HYDIN: variants seen among roughly 807,000 people sequenced by gnomAD.
HYDIN encodes the protein HYDIN axonemal central pair apparatus protein.
HYDIN carries 132 observed loss-of-function variants against 403.9 expected under a neutral mutation model. The ratio of observed to expected loss-of-function variants is 0.33; its 90% CI spans 0.28 to 0.38. The LOEUF (loss-of-function observed/expected upper bound fraction) is 0.38. Ranked by LOEUF, HYDIN falls within the 10% of genes least tolerant of loss-of-function variation. The probability of loss-of-function intolerance (pLI) is 1.00; values close to 1 mark genes in which losing one functional copy is unlikely to be tolerated. For synonymous variants in HYDIN, 1,202 were observed against 1,891.7 expected, an observed-to-expected ratio of 0.64 and a Z score of 9.46; for missense variants, 2,827 against 5,009.5, an observed-to-expected ratio of 0.56 and a Z score of 13.15.
At chr16:71,197,077 C>G (rs1209429707) in intron 1 of HYDIN, among the ~76,000 whole-genome samples, 2 of 152,154 alleles carry the variant, frequency 1.3e-5, no homozygotes, top group Non-Finnish European at 2.9e-5. Context: ...CAAGAACCCT[C>G]TCTTGGGGTC....
At chr16:70,858,218 G>A (rs2039154437) in intron 71 of HYDIN, among the ~76,000 whole-genome samples, 1 of 151,768 alleles carries the variant, frequency 6.6e-6, no homozygotes, top group East Asian at 2.0e-4. Flanking sequence ...CTTGTCAATA[G>A]CTGGGCACAC....
intron 5 of HYDIN, among the ~76,000 whole-genome samples, chr16:71,171,278 A>G (rs1017811538): frequency 6.6e-6 from 1 of 152,220 alleles, no homozygotes; most frequent in Non-Finnish European, 1.5e-5. Context: ...TCACCTCAAC[A>G]GGAGAGCCTT....
chr16:71,201,542 G>A (rs775653190), intron 1 of HYDIN, among the ~76,000 whole-genome samples: 50 of 152,092 alleles, frequency 3.3e-4, no homozygotes, highest in Admixed American at 3.3e-3. Flanking sequence ...CACAGCACAT[G>A]ACCCAAGCCA....
In HYDIN at chr16:70,969,018, G is replaced by A. The variant is rs1456296534; in HGVS notation, c.5619+1502C>T. Among the ~76,000 whole-genome samples the A allele has an allele frequency of 2.6e-5, 4 of 152,020 alleles. No individual in the cohort carries two copies. The East Asian group carries it at 5.8e-4, about 22-fold the overall frequency. On this transcript the variant is annotated intron_variant, in intron 36 of 85. Transcript: ENST00000393567. The stretch of plus-strand genomic sequence containing the variant: ...AGTTACCAAAATAAAAACTCAATAT[G>A]TGGGCAGAATGAAATGGATGGAGAA...
At chr16:70,826,910 A>G (rs2036636874) in intron 83 of HYDIN, among the ~76,000 whole-genome samples, 1 of 103,028 alleles carries the variant, frequency 9.7e-6, no homozygotes, top group Non-Finnish European at 1.8e-5. Flanking sequence ...ACAGATCCAC[A>G]CATGCTCCTT....
intron 8 of HYDIN, among the ~76,000 whole-genome samples, chr16:71,130,472 T>A (rs1349665740): frequency 1.1e-5 from 1 of 91,312 alleles, no homozygotes; most frequent in East Asian, 4.4e-4. Context: ...ATATACCGGT[T>A]TTTTTTTTTT....
rs376580387 is a variant in HYDIN at position 71,079,302 on chromosome 16, T to C, written c.1738+583A>G. Among the ~76,000 whole-genome samples the C allele has an allele frequency of 6.8e-3, 1,031 of 151,546 alleles. 7 individuals carry two copies. The highest frequency in any genetic ancestry group is 0.024 in the African/African-American group (987 of 41,280). ...ATTTTCATTCTTTCTCCATCTAGCA[T>C]TTCTGTTAGATACAAGTTAGAACTT... On this transcript the variant is annotated intron_variant, in intron 13 of 85. Transcript: ENST00000393567.
chr16:71,197,649 C>T (rs1008899202), intron 1 of HYDIN, among the ~76,000 whole-genome samples: 4 of 152,178 alleles, frequency 2.6e-5, no homozygotes, highest in African/African-American at 4.8e-5. Context: ...ACTGCCAACA[C>T]CCCAGAAGAC....
chr16:71,125,473 A>T (rs904809862), intron 9 of HYDIN, among the ~76,000 whole-genome samples: 4 of 152,352 alleles, frequency 2.6e-5, no homozygotes, highest in African/African-American at 9.6e-5. Context: ...TCAGAGTCTG[A>T]TCCTAAATTG....
chr16:71,170,076 T>C (rs1302065661), intron 5 of HYDIN, among the ~76,000 whole-genome samples: 1 of 152,218 alleles, frequency 6.6e-6, no homozygotes, highest in African/African-American at 2.4e-5. Context: ...TATTCTCTAC[T>C]TGGTAGCCAG....
Position 70,837,603 on chromosome 16 carries a change from A to G in HYDIN, c.13242+87T>C, listed in dbSNP as rs2037518397. On this transcript the variant is annotated intron_variant, in intron 77 of 85. Transcript: ENST00000393567. ...GGGGCAGAGAAGCAGAGGGGCTGGAAGGGTGAAGGGGTTCTGGGGGGCAAA... is the reference window on the plus strand; with the variant it reads ...GGGGCAGAGAAGCAGAGGGGCTGGAGGGGTGAAGGGGTTCTGGGGGGCAAA... 7 of 1,278,218 alleles carry G rather than the reference A, an allele frequency of 5.5e-6. No homozygotes were observed. In the African/African-American group the frequency reaches 8.8e-5, roughly 16 times the overall value. The allele number at this position is 1,278,218 out of a possible 1,614,324, so 79.2% of individuals were successfully genotyped here. A position where few individuals can be genotyped will look rare whatever the true frequency, so the allele number is the denominator to read the frequency against.
At chr16:70,990,967 G>A (rs2079332402) in intron 25 of HYDIN, among the ~76,000 whole-genome samples, 1 of 152,194 alleles carries the variant, frequency 6.6e-6, no homozygotes, top group South Asian at 2.1e-4. Flanking sequence ...GTTGTAACAA[G>A]CATCTTTGTA....
At chr16:71,098,013 T>C (rs8052351) in intron 10 of HYDIN, among the ~76,000 whole-genome samples, 117,430 of 151,764 alleles carry the variant, frequency 0.77, 45,643 homozygotes, top group East Asian at 0.96. Flanking sequence ...CCTTTTGTTC[T>C]TTCTAGTGCT....
chr16:71,017,502 TAA>T (rs761198161), intron 23 of HYDIN, among the ~76,000 whole-genome samples: 17 of 152,164 alleles, frequency 1.1e-4, no homozygotes, highest in Non-Finnish European at 1.8e-4. Context: ...GTGAGTCAAT[TAA>T]AACTTTTTTC....
At chr16:71,223,309 T>C (rs904057798) in intron 1 of HYDIN, among the ~76,000 whole-genome samples, 12 of 152,086 alleles carry the variant, frequency 7.9e-5, no homozygotes, top group African/African-American at 2.2e-4. Context: ...TCTTACCTTA[T>C]AAAAAACATT....
chr16:71,120,146 G>C (rs2084203534), intron 9 of HYDIN, among the ~76,000 whole-genome samples: 1 of 151,714 alleles, frequency 6.6e-6, no homozygotes, highest in Non-Finnish European at 1.5e-5. Context: ...CTCCAAATGA[G>C]AGGTTGAGTA....
chr16:70,925,566 T>C (rs1212394425), intron 45 of HYDIN, among the ~76,000 whole-genome samples: 3 of 152,104 alleles, frequency 2.0e-5, no homozygotes, highest in Non-Finnish European at 2.9e-5. Flanking sequence ...GCTTCATGTC[T>C]AAAACACCAA....
At chr16:71,210,835 C>A (rs2088548684) in intron 1 of HYDIN, among the ~76,000 whole-genome samples, 1 of 151,290 alleles carries the variant, frequency 6.6e-6, no homozygotes. Context: ...GTATTGATTT[C>A]AAAAAAAATT....
chr16:70,896,404 G>A (rs1335556341), intron 53 of HYDIN, among the ~76,000 whole-genome samples: 4 of 152,112 alleles, frequency 2.6e-5, no homozygotes, highest in Non-Finnish European at 4.4e-5. Context: ...CCAGGCTGGA[G>A]TGCAGTGGCG....
Sources: gnomAD v4.1 joint callset for allele counts (sites outside exome capture counted in the v4.1 genomes callset) on GRCh38, gnomAD v4.1.1 for gene constraint, MANE v1.5 for transcripts, NCBI Gene and HGNC (gene_info 2026-07-23, HGNC 2026-07-21) for gene names.